Variants in THUMPD2 observed in about 807,000 individuals in gnomAD.
The protein encoded by THUMPD2 is U6 snRNA (guanine-N(2))-methyltransferase THUMPD2.
In THUMPD2, 56 loss-of-function variants were observed where a neutral mutation model predicts 49.4. The ratio of observed to expected loss-of-function variants is 1.13; its 90% CI spans 0.91 to 1.41. The LOEUF (loss-of-function observed/expected upper bound fraction) is 1.41. THUMPD2 is among the 40% of genes most tolerant of loss of function. The pLI, the probability that THUMPD2 is intolerant of heterozygous loss-of-function variation, is 0.00. For synonymous variants in THUMPD2, 237 were observed against 205.2 expected, an observed-to-expected ratio of 1.15 and a Z score of -1.32; for missense variants, 709 against 594.5, an observed-to-expected ratio of 1.19 and a Z score of -2.00.
intron 9 of THUMPD2, among the ~76,000 whole-genome samples, chr2:39,741,633 G>A (rs1161938498): frequency 6.6e-6 from 1 of 152,164 alleles, no homozygotes; most frequent in Non-Finnish European, 1.5e-5. Context: ...ATACATTAAA[G>A]GAGGAAATAA....
chr2:39,752,467 T>A (rs1033520431), intron 8 of THUMPD2, among the ~76,000 whole-genome samples: 1 of 152,214 alleles, frequency 6.6e-6, no homozygotes, highest in Non-Finnish European at 1.5e-5. Context: ...ATTGTATTTA[T>A]AATTAGAGCT....
chr2:39,756,598 G>A (rs534023903), intron 6 of THUMPD2, among the ~76,000 whole-genome samples: 14 of 152,134 alleles, frequency 9.2e-5, no homozygotes, highest in Non-Finnish European at 1.6e-4. Flanking sequence ...GGAGGGCCCC[G>A]TGGGGTTAAA....
At chr2:39,767,522 T>C (rs941029011) in intron 4 of THUMPD2, among the ~76,000 whole-genome samples, 2 of 140,396 alleles carry the variant, frequency 1.4e-5, no homozygotes, top group Non-Finnish European at 3.0e-5. Context: ...GAGAATGGCG[T>C]GAACCCGGGA....
chr2:39,741,957 T>A (rs1341732933), intron 9 of THUMPD2, among the ~76,000 whole-genome samples: 1 of 152,176 alleles, frequency 6.6e-6, no homozygotes, highest in African/African-American at 2.4e-5. Context: ...AGGTAAGTGA[T>A]AACAGATACT....
Position 39,755,291 on chromosome 2 carries a change from T to C in THUMPD2, c.1078+4A>G. On this transcript the variant is annotated splice_donor_region_variant and intron_variant, in intron 8 of 9. Transcript: ENST00000505747. ...TCAATTGTTTTGCATTTTTAGTATC[T>C]TACCTATAACAGAGATTTTAAGTAA... The C allele has an allele frequency of 6.6e-7, 1 of 1,519,074 alleles. No individual in the cohort carries two copies. Among genetic ancestry groups the C allele is most frequent in the Non-Finnish European group, 8.8e-7 (1 of 1,134,296 alleles). The allele number at this position is 1,519,074 out of a possible 1,614,324, so 94.1% of individuals were successfully genotyped here.
At chr2:39,745,849 G>GTGTCATCTTCCA (rs1400616713) in intron 8 of THUMPD2, among the ~76,000 whole-genome samples, 1 of 152,178 alleles carries the variant, frequency 6.6e-6, no homozygotes, top group East Asian at 1.9e-4. Flanking sequence ...GAACTAAGCA[G>GTGTCATCTTCCA]TGTCATCTTC....
chr2:39,755,490 C>G, intron 7 of THUMPD2, 81 bp from the exon 8 acceptor site: 1 of 913,286 alleles, frequency 1.1e-6, no homozygotes, highest in Non-Finnish European at 1.6e-6. Context: ...TGCATTTTCT[C>G]AAATGACAAG....
At position 39,779,186 on chromosome 2, in the gene THUMPD2, G is replaced by A. The variant is rs1180604504; in HGVS notation, c.54C>T (p.Phe18=). Residue 18 remains phenylalanine (F), a synonymous_variant, in exon 1 of 10, where the codon TTC becomes TTT. Coordinates refer to ENST00000505747, the MANE Select transcript of THUMPD2 (RefSeq NM_025264.5). ...PGSGPEAGAR[F]FCTAGRGLEP... ...CCAGGCCGCGACCCGCAGTGCAGAA[G>A]AATCGGGCGCCAGCCTCAGGCCCGG... is the stretch of plus-strand genomic sequence containing the variant. 7.2e-6 allele frequency: 11 copies of A among 1,519,016 alleles called. No homozygotes were observed. Among genetic ancestry groups the A allele is most frequent in the African/African-American group, 2.9e-5 (2 of 69,770 alleles). The allele number at this position is 1,519,016 out of a possible 1,614,324, so 94.1% of individuals were successfully genotyped here. A position where few individuals can be genotyped will look rare whatever the true frequency, so the allele number is the denominator to read the frequency against.
chr2:39,768,516 A>C lies in THUMPD2; in HGVS notation c.673-15T>G. 1 of 1,596,412 alleles carries C rather than the reference A, an allele frequency of 6.3e-7. No individual in the cohort carries two copies. Among genetic ancestry groups the C allele is most frequent in the Non-Finnish European group, 8.6e-7 (1 of 1,169,488 alleles). ...TTTCCTACCTCCTGGAAAAGTACCA[A>C]GTTAAAGAAAAGAATACTAAAAATG... On this transcript the variant is annotated splice_polypyrimidine_tract_variant and intron_variant, in intron 3 of 9. Transcript: ENST00000505747.
Position 39,761,444 on chromosome 2 carries a change from T to C in THUMPD2, c.804-26A>G, listed in dbSNP as rs746309896. ...CTACAAAGGATAGAATCTGATTATA[T>C]ATTATTACACATTGAACAACAAGAT... is the stretch of plus-strand genomic sequence containing the variant. On this transcript the variant is annotated intron_variant, in intron 5 of 9. Transcript: ENST00000505747. 17 of 1,594,298 alleles carry C rather than the reference T, an allele frequency of 1.1e-5. No homozygotes were observed. The Admixed American group carries it at 2.8e-4, about 27-fold the overall frequency.
Position 39,744,489 on chromosome 2 carries a change from G to A in THUMPD2, c.1079-11C>T. Reference sequence around the variant, plus strand: ...AAGGCAATGGCAATTCTGAAATATAGAAATCAGAGAATCCTATTACAGTAG... The same window carrying A: ...AAGGCAATGGCAATTCTGAAATATAAAAATCAGAGAATCCTATTACAGTAG... On this transcript the variant is annotated splice_polypyrimidine_tract_variant and intron_variant, in intron 8 of 9. Coordinates refer to ENST00000505747, the MANE Select transcript of THUMPD2 (RefSeq NM_025264.5). 2.0e-6 allele frequency: 3 copies of A among 1,502,742 alleles called. 1 individual carries two copies. Among genetic ancestry groups the A allele is most frequent in the South Asian group, 2.5e-5 (2 of 79,630 alleles). 93.1% of individuals were successfully genotyped at this position (1,502,742 alleles called of 1,614,324 possible).
At chr2:39,777,496 G>T (rs900737305) in intron 1 of THUMPD2, among the ~76,000 whole-genome samples, 3 of 152,166 alleles carry the variant, frequency 2.0e-5, no homozygotes, top group African/African-American at 4.8e-5. Flanking sequence ...GGAGGTAAAA[G>T]TCTATCAGAT....
chr2:39,756,008 G>T, intron 6 of THUMPD2, 48 bp from the exon 7 acceptor site: 1 of 1,527,550 alleles, frequency 6.5e-7, no homozygotes, highest in Non-Finnish European at 9.0e-7. Flanking sequence ...ACCATAGTAC[G>T]TACTATAAAA....
chr2:39,767,448 C>A (rs905167383), intron 4 of THUMPD2, among the ~76,000 whole-genome samples: 1 of 150,044 alleles, frequency 6.7e-6, no homozygotes, highest in African/African-American at 2.5e-5. Context: ...ACTAAAAATA[C>A]AAAAAATTAG....
At position 39,736,628 on chromosome 2, in the gene THUMPD2, T is replaced by C; in HGVS notation, c.*107A>G. 1 of 979,708 alleles carries C rather than the reference T, an allele frequency of 1.0e-6. No homozygotes were observed. Among genetic ancestry groups the C allele is most frequent in the Non-Finnish European group, 1.5e-6 (1 of 678,454 alleles). 60.7% of individuals were successfully genotyped at this position (979,708 alleles called of 1,614,324 possible). On this transcript the variant is annotated 3_prime_UTR_variant, in exon 10 of 10. Coordinates refer to ENST00000505747, the MANE Select transcript of THUMPD2 (RefSeq NM_025264.5). ...CCACACCTCCTGTCTTTGGGGGAAT[T>C]TGGTTACTTGGAGCTCTGTGGGTGC...
In THUMPD2 at chr2:39,754,494, C is replaced by CTGAT. The variant is rs1454601606; in HGVS notation, c.1078+797_1078+800dup. ...ATTTCTTAAACGTATTTTATTCCTC[C>CTGAT]TGATTATAGGTCTGATACTGGGACC... On this transcript the variant is annotated intron_variant, in intron 8 of 9. Coordinates refer to ENST00000505747, the MANE Select transcript of THUMPD2 (RefSeq NM_025264.5). 7.9e-5 allele frequency among the ~76,000 whole-genome samples: 12 copies of CTGAT among 152,186 alleles called. No individual in the cohort carries two copies. The East Asian group carries it at 2.3e-3, about 29-fold the overall frequency.
At chr2:39,777,959 G>A (rs1474085122) in intron 1 of THUMPD2, among the ~76,000 whole-genome samples, 1 of 152,032 alleles carries the variant, frequency 6.6e-6, no homozygotes, top group Non-Finnish European at 1.5e-5. Flanking sequence ...ACAAGCCAGC[G>A]CACCCCTATG....
rs3311 is a variant in THUMPD2 at position 39,736,421 on chromosome 2, T to A, written c.*314A>T. 8,380 of 215,020 alleles carry A rather than the reference T, an allele frequency of 0.039. 207 individuals carry two copies. Among genetic ancestry groups the A allele is most frequent in the Non-Finnish European group, 0.059 (6,379 of 108,856 alleles). The allele number at this position is 215,020 out of a possible 1,614,324, so 13.3% of individuals were successfully genotyped here. ...TGGTGTTGATTGTGATACACTTAAG[T>A]GAACCCCTGAAAACCTTTATTTTGA... is the stretch of plus-strand genomic sequence containing the variant. On this transcript the variant is annotated 3_prime_UTR_variant, in exon 10 of 10. Transcript: ENST00000505747.
intron 9 of THUMPD2, among the ~76,000 whole-genome samples, chr2:39,737,982 C>T (rs186511581): frequency 6.6e-6 from 1 of 152,104 alleles, no homozygotes; most frequent in African/African-American, 2.4e-5. Context: ...CACATAAGTG[C>T]GGATTCCACC....
Sources: gnomAD v4.1 joint callset for allele counts (sites outside exome capture counted in the v4.1 genomes callset) on GRCh38, gnomAD v4.1.1 for gene constraint, MANE v1.5 for transcripts, NCBI Gene and HGNC (gene_info 2026-07-23, HGNC 2026-07-21) for gene names.